Variants in TEAD1 observed in about 807,000 individuals in gnomAD.
TEAD1 encodes transcriptional enhancer factor TEF-1.
In TEAD1, 9 loss-of-function variants were observed where a neutral mutation model predicts 54.9. That is an observed-to-expected ratio of 0.16 (90% CI 0.10 to 0.29). TEAD1 has a LOEUF of 0.29. Ranked by LOEUF, TEAD1 falls within the 10% of genes least tolerant of loss-of-function variation. The probability of loss-of-function intolerance (pLI) is 1.00; values close to 1 mark genes in which losing one functional copy is unlikely to be tolerated. For missense variants in TEAD1, 387 were observed against 535.9 expected, an observed-to-expected ratio of 0.72 and a Z score of 2.74; for synonymous variants, 200 against 187.8, an observed-to-expected ratio of 1.07 and a Z score of -0.53.
intron 2 of TEAD1, among the ~76,000 whole-genome samples, chr11:12,703,028 C>T (rs779039955): frequency 6.6e-6 from 1 of 152,154 alleles, no homozygotes; most frequent in Non-Finnish European, 1.5e-5. Context: ...CCTGCCGGCT[C>T]CAGGTTACTT....
chr11:12,894,841 A>G (rs1366224844), intron 9 of TEAD1, among the ~76,000 whole-genome samples: 1 of 152,160 alleles, frequency 6.6e-6, no homozygotes, highest in African/African-American at 2.4e-5. Context: ...AACAACAGCA[A>G]ATTACGTGCT....
intron 9 of TEAD1, 98 bp from the exon 10 acceptor site, chr11:12,901,842 G>A (rs986600230): frequency 2.0e-6 from 3 of 1,493,240 alleles, no homozygotes; most frequent in South Asian, 2.3e-5. Flanking sequence ...CCTAATTCCA[G>A]AATTTTGGTA....
At chr11:12,758,555 C>T (rs1417686019) in intron 2 of TEAD1, among the ~76,000 whole-genome samples, 2 of 151,996 alleles carry the variant, frequency 1.3e-5, no homozygotes, top group Non-Finnish European at 1.5e-5. Context: ...GGACTACAGG[C>T]GCCTGCCACC....
At chr11:12,729,340 G>T (rs563280459) in intron 2 of TEAD1, among the ~76,000 whole-genome samples, 1 of 152,280 alleles carries the variant, frequency 6.6e-6, no homozygotes, top group South Asian at 2.1e-4. Flanking sequence ...ATCTTGTTAA[G>T]CATGCAGATT....
intron 9 of TEAD1, among the ~76,000 whole-genome samples, chr11:12,899,919 CTT>C (rs1948392583): frequency 6.6e-6 from 1 of 152,218 alleles, no homozygotes; most frequent in Non-Finnish European, 1.5e-5. Flanking sequence ...AGCCTCCTGT[CTT>C]TTGGCATGGT....
intron 3 of TEAD1, among the ~76,000 whole-genome samples, chr11:12,824,464 C>G (rs746829926): frequency 6.6e-6 from 1 of 152,226 alleles, no homozygotes; most frequent in Non-Finnish European, 1.5e-5. Flanking sequence ...TCTAAACTTT[C>G]ACCTTTCAGA....
chr11:12,931,931 C>G (rs1175353998), intron 12 of TEAD1, among the ~76,000 whole-genome samples: 2 of 151,972 alleles, frequency 1.3e-5, no homozygotes, highest in Admixed American at 6.6e-5. Flanking sequence ...ATTTTTTAAG[C>G]TCTGCATGTA....
At chr11:12,883,942 C>G (rs1486344277) in intron 9 of TEAD1, among the ~76,000 whole-genome samples, 1 of 151,248 alleles carries the variant, frequency 6.6e-6, no homozygotes, top group Non-Finnish European at 1.5e-5. Flanking sequence ...TTGCGGTGAG[C>G]CAAGATCGCG....
At chr11:12,766,756 C>A (rs921089335) in intron 3 of TEAD1, among the ~76,000 whole-genome samples, 1 of 152,134 alleles carries the variant, frequency 6.6e-6, no homozygotes, top group African/African-American at 2.4e-5. Flanking sequence ...TGGTGGCTAA[C>A]CTGATTTAAA....
chr11:12,857,950 G>A (rs910376973), intron 3 of TEAD1, among the ~76,000 whole-genome samples: 1 of 152,122 alleles, frequency 6.6e-6, no homozygotes, highest in South Asian at 2.1e-4. Context: ...GTCTGGTATG[G>A]TGGAGCAGGC....
chr11:12,688,802 C>G (rs903460243), intron 2 of TEAD1, among the ~76,000 whole-genome samples: 6 of 152,214 alleles, frequency 3.9e-5, no homozygotes, highest in Non-Finnish European at 5.9e-5. Context: ...CTGTCAGCCT[C>G]TCTGTTGGTT....
intron 3 of TEAD1, among the ~76,000 whole-genome samples, chr11:12,792,023 T>G (rs1466677635): frequency 6.6e-6 from 1 of 152,116 alleles, no homozygotes; most frequent in Non-Finnish European, 1.5e-5. Flanking sequence ...TAAGGATAGG[T>G]GGGCACTTAG....
At chr11:12,792,461 G>T (rs942485500) in intron 3 of TEAD1, among the ~76,000 whole-genome samples, 2 of 149,998 alleles carry the variant, frequency 1.3e-5, no homozygotes, top group Admixed American at 6.6e-5. Flanking sequence ...TCTTTAGTTT[G>T]CCTTCGTTGA....
chr11:12,818,548 A>G (rs1381997202), intron 3 of TEAD1, among the ~76,000 whole-genome samples: 1 of 152,158 alleles, frequency 6.6e-6, no homozygotes, highest in Non-Finnish European at 1.5e-5. Context: ...AAAGGTCATT[A>G]AGTCAGAGAG....
At chr11:12,870,189 C>G (rs569639949) in intron 5 of TEAD1, among the ~76,000 whole-genome samples, 2 of 152,098 alleles carry the variant, frequency 1.3e-5, no homozygotes, top group East Asian at 3.9e-4. Context: ...CGATTTTTGC[C>G]CAATTATCTA....
intron 3 of TEAD1, among the ~76,000 whole-genome samples, chr11:12,857,414 C>G (rs1035815583): frequency 1.8e-4 from 27 of 152,204 alleles, no homozygotes; most frequent in African/African-American, 6.5e-4. Flanking sequence ...TTATATCTCT[C>G]TCTGACTCAC....
intron 9 of TEAD1, among the ~76,000 whole-genome samples, chr11:12,893,387 C>A (rs1403485262): frequency 6.6e-6 from 1 of 152,196 alleles, no homozygotes; most frequent in African/African-American, 2.4e-5. Context: ...CCCTCCCGGC[C>A]CAGGGCACAC....
rs1943793859 is a variant in TEAD1, at chr11:12,705,432, T to C, written c.-55+29871T>C. ...GGATGCTTCACCCGGAGAATGAAAG[T>C]CCCAAATCTGGATCCCATTTGCTCT... is the stretch of plus-strand genomic sequence containing the variant. On this transcript the variant is annotated intron_variant, in intron 2 of 12. Coordinates refer to ENST00000527636, the MANE Select transcript of TEAD1 (RefSeq NM_021961.6). Among the ~76,000 whole-genome samples, 2 of 152,134 alleles carry C rather than the reference T, an allele frequency of 1.3e-5. 1 individual carries two copies. The highest frequency in any genetic ancestry group is 4.1e-4 in the South Asian group (2 of 4,822).
chr11:12,748,248 C>A (rs763876845), intron 2 of TEAD1, among the ~76,000 whole-genome samples: 1 of 152,196 alleles, frequency 6.6e-6, no homozygotes, highest in Admixed American at 6.5e-5. Context: ...AGGCGTGAGC[C>A]GCTGCGCCTG....
Sources: allele counts gnomAD v4.1 joint callset (sites outside exome capture counted in the v4.1 genomes callset), GRCh38; gene constraint gnomAD v4.1.1; transcripts MANE v1.5; gene names NCBI Gene and HGNC (gene_info 2026-07-23, HGNC 2026-07-21).